Variants in NYAP2 observed in about 807,000 individuals in gnomAD.
NYAP2 encodes the protein neuronal tyrosine-phosphorylated phosphoinositide-3-kinase adaptor 2.
In NYAP2, 23 loss-of-function variants were observed where a neutral mutation model predicts 50.4. That is an observed-to-expected ratio of 0.46 (90% CI 0.33 to 0.65). NYAP2 has a LOEUF of 0.65. NYAP2 is among the 30% of genes least tolerant of loss of function. NYAP2 has a pLI of 0.02. For synonymous variants in NYAP2, 394 were observed against 365.2 expected, an observed-to-expected ratio of 1.08 and a Z score of -0.90; for missense variants, 885 against 861.0, an observed-to-expected ratio of 1.03 and a Z score of -0.35.
intron 3 of NYAP2, among the ~76,000 whole-genome samples, chr2:225,444,714 A>G (rs1432757432): frequency 1.3e-5 from 2 of 152,216 alleles, no homozygotes; most frequent in Non-Finnish European, 2.9e-5. Context: ...ATTGGCCAGT[A>G]GTAACTTGAA....
intron 3 of NYAP2, among the ~76,000 whole-genome samples, chr2:225,446,222 C>CTA (rs1559181889): frequency 8.4e-4 from 86 of 101,972 alleles, no homozygotes; most frequent in African/African-American, 3.4e-3. Flanking sequence ...GTCTGTCTCT[C>CTA]TCTCTCTCTC....
chr2:225,623,597 C>T (rs1315867536), intron 5 of NYAP2, among the ~76,000 whole-genome samples: 1 of 152,030 alleles, frequency 6.6e-6, no homozygotes, highest in Non-Finnish European at 1.5e-5. Context: ...CTACAATTTT[C>T]CTATGCAAAC....
intron 4 of NYAP2, among the ~76,000 whole-genome samples, chr2:225,579,094 GGAGAGA>G (rs34026452): frequency 4.2e-4 from 62 of 147,424 alleles, no homozygotes; most frequent in African/African-American, 1.1e-3. Flanking sequence ...AGAAGAGAGG[GGAGAGA>G]GAGAGAGAGA....
chr2:225,570,576 A>C (rs748016136), intron 4 of NYAP2, among the ~76,000 whole-genome samples: 1 of 152,136 alleles, frequency 6.6e-6, no homozygotes, highest in African/African-American at 2.4e-5. Context: ...AAACCATCAG[A>C]TCTCATGAGA....
intron 4 of NYAP2, among the ~76,000 whole-genome samples, chr2:225,549,159 G>A (rs140053396): frequency 5.3e-4 from 80 of 152,242 alleles, no homozygotes; most frequent in African/African-American, 1.9e-3. Context: ...AAGATTACAG[G>A]TGTGAGCCAC....
At chr2:225,477,743 A>G (rs1477761095) in intron 3 of NYAP2, among the ~76,000 whole-genome samples, 1 of 152,206 alleles carries the variant, frequency 6.6e-6, no homozygotes, top group Non-Finnish European at 1.5e-5. Context: ...TTACACACAT[A>G]GATACACACG....
chr2:225,621,902 C>T (rs746619311), intron 5 of NYAP2, among the ~76,000 whole-genome samples: 2 of 151,996 alleles, frequency 1.3e-5, no homozygotes, highest in Non-Finnish European at 2.9e-5. Flanking sequence ...CTGAATAATA[C>T]CCCACTGTAT....
intron 6 of NYAP2, among the ~76,000 whole-genome samples, chr2:225,643,856 G>T (rs200154837): frequency 6.7e-6 from 1 of 149,174 alleles, no homozygotes; most frequent in African/African-American, 2.5e-5. Flanking sequence ...TTGGACATTT[G>T]GGTTGGTTCC....
the NYAP2 span, among the ~76,000 whole-genome samples, chr2:225,667,327 G>A: frequency 6.6e-6 from 1 of 152,090 alleles, no homozygotes; most frequent in Non-Finnish European, 1.5e-5. Flanking sequence ...AAGAGTGGGT[G>A]GGAGGCCTTT....
At chr2:225,659,523 C>A in the NYAP2 span, among the ~76,000 whole-genome samples, 1 of 152,052 alleles carries the variant, frequency 6.6e-6, no homozygotes, top group African/African-American at 2.4e-5. Flanking sequence ...ATAGCTTATC[C>A]AAAGTTTTGT....
intron 3 of NYAP2, among the ~76,000 whole-genome samples, chr2:225,478,952 T>C (rs186770656): frequency 9.7e-4 from 148 of 152,286 alleles, no homozygotes; most frequent in Non-Finnish European, 1.5e-3. Context: ...CTTTGACCTG[T>C]GAATTTAAGA....
chr2:225,580,997 C>T (rs1357947841), intron 4 of NYAP2, among the ~76,000 whole-genome samples: 1 of 152,204 alleles, frequency 6.6e-6, no homozygotes, highest in Non-Finnish European at 1.5e-5. Context: ...CAAGTACCTT[C>T]CTTGCATGCT....
At chr2:225,466,812 G>A (rs1166623030) in intron 3 of NYAP2, among the ~76,000 whole-genome samples, 1 of 152,152 alleles carries the variant, frequency 6.6e-6, no homozygotes, top group Non-Finnish European at 1.5e-5. Context: ...AATCCATACA[G>A]GCCTGCGGCA....
the NYAP2 span, among the ~76,000 whole-genome samples, chr2:225,673,548 TACAC>T: frequency 3.3e-5 from 5 of 152,206 alleles, no homozygotes; most frequent in African/African-American, 1.2e-4. Flanking sequence ...TTTAGAAAAA[TACAC>T]ACAATCTTTG....
intron 3 of NYAP2, among the ~76,000 whole-genome samples, chr2:225,488,324 G>C (rs567595432): frequency 6.6e-6 from 1 of 152,260 alleles, no homozygotes; most frequent in African/African-American, 2.4e-5. Context: ...AAGTTAGACT[G>C]CTCATTTTAT....
intron 4 of NYAP2, among the ~76,000 whole-genome samples, chr2:225,519,540 C>T (rs1253883057): frequency 3.3e-5 from 5 of 150,636 alleles, no homozygotes; most frequent in Admixed American, 1.3e-4. Flanking sequence ...TTTGTTCTTG[C>T]GATAGTTTAC....
intron 4 of NYAP2, among the ~76,000 whole-genome samples, chr2:225,530,146 C>G (rs1446358242): frequency 6.6e-6 from 1 of 152,204 alleles, no homozygotes; most frequent in East Asian, 1.9e-4. Flanking sequence ...GTTTATACTG[C>G]TACTCTCCAT....
At chr2:225,540,189 A>G (rs1045527665) in intron 4 of NYAP2, among the ~76,000 whole-genome samples, 1 of 152,098 alleles carries the variant, frequency 6.6e-6, no homozygotes, top group Non-Finnish European at 1.5e-5. Flanking sequence ...GAGCCCTCAA[A>G]ACTGTTCCAA....
chr2:225,448,835 C>A (rs1020736307), intron 3 of NYAP2, among the ~76,000 whole-genome samples: 1 of 152,118 alleles, frequency 6.6e-6, no homozygotes, highest in Non-Finnish European at 1.5e-5. Context: ...ATTTTTAAAC[C>A]AGTTTGCAAA....
Sources: gnomAD v4.1 joint callset for allele counts (sites outside exome capture counted in the v4.1 genomes callset) on GRCh38, gnomAD v4.1.1 for gene constraint, MANE v1.5 for transcripts, NCBI Gene and HGNC (gene_info 2026-07-23, HGNC 2026-07-21) for gene names.